ELP1: variants seen among roughly 807,000 people sequenced by gnomAD.
ELP1 encodes elongator acetyltransferase complex subunit 1.
Under a neutral mutation model 183.2 loss-of-function variants are expected in ELP1, and 131 were observed. That is an observed-to-expected ratio of 0.72 (90% CI 0.62 to 0.83). The LOEUF is 0.83. Ranked by LOEUF, ELP1 falls within the 40% of genes least tolerant of loss-of-function variation. The probability of loss-of-function intolerance (pLI) is 0.00; values close to 1 mark genes in which losing one functional copy is unlikely to be tolerated. For synonymous variants in ELP1, 555 were observed against 569.0 expected, an observed-to-expected ratio of 0.98 and a Z score of 0.35; for missense variants, 1,550 against 1,594.9, an observed-to-expected ratio of 0.97 and a Z score of 0.48.
chr9:108,916,404 G>A, intron 9 of ELP1, 107 bp from the exon 10 acceptor site: 1 of 883,660 alleles, frequency 1.1e-6, no homozygotes, highest in South Asian at 1.4e-5. Context: ...CACTACCTGA[G>A]CTCATCCCTA....
intron 10 of ELP1, among the ~76,000 whole-genome samples, chr9:108,913,291 G>T (rs1464843707): frequency 6.6e-6 from 1 of 152,090 alleles, no homozygotes; most frequent in African/African-American, 2.4e-5. Context: ...TTATGTTCAA[G>T]GCTATCTGGG....
At chr9:108,914,079 T>C (rs935652607) in intron 10 of ELP1, among the ~76,000 whole-genome samples, 2 of 152,156 alleles carry the variant, frequency 1.3e-5, no homozygotes, top group African/African-American at 4.8e-5. Context: ...GTTGAATGAA[T>C]AATGAGTTTC....
chr9:108,869,554 C>T (rs555467394), intron 36 of ELP1, among the ~76,000 whole-genome samples: 97 of 152,270 alleles, frequency 6.4e-4, no homozygotes, highest in Non-Finnish European at 4.4e-5. Context: ...TAAAGTCTAG[C>T]TCAATTTTTA....
chr9:108,919,142 G>A (rs1829552691), intron 7 of ELP1, 111 bp downstream of exon 7: 1 of 793,562 alleles, frequency 1.3e-6, no homozygotes, highest in African/African-American at 1.7e-5. Flanking sequence ...GCACATCCTT[G>A]CCTCATATGT....
At chr9:108,876,932 T>C (rs1827726862) in intron 35 of ELP1, among the ~76,000 whole-genome samples, 1 of 152,134 alleles carries the variant, frequency 6.6e-6, no homozygotes, top group Non-Finnish European at 1.5e-5. Flanking sequence ...GGCTTCTCCA[T>C]GTTGGCCACA....
intron 6 of ELP1, among the ~76,000 whole-genome samples, chr9:108,920,793 A>G (rs1393766884): frequency 6.6e-6 from 1 of 152,178 alleles, no homozygotes; most frequent in African/African-American, 2.4e-5. Flanking sequence ...CCTTTAGAAA[A>G]AGTTCATGAA....
At chr9:108,879,138 ATAATT>A (rs1164116417) in intron 33 of ELP1, among the ~76,000 whole-genome samples, 1 of 152,190 alleles carries the variant, frequency 6.6e-6, no homozygotes, top group Non-Finnish European at 1.5e-5. Flanking sequence ...TTCAGTGCCT[ATAATT>A]TAGTCACAAC....
intron 33 of ELP1, 74 bp from the exon 34 acceptor site, chr9:108,878,824 C>T (rs1187613118): frequency 1.9e-6 from 3 of 1,545,354 alleles, no homozygotes; most frequent in African/African-American, 2.7e-5. Flanking sequence ...CCTTGCCTGG[C>T]TACTTTCTTG....
At chr9:108,873,854 G>GT (rs532764894) in intron 36 of ELP1, among the ~76,000 whole-genome samples, 74 of 150,068 alleles carry the variant, frequency 4.9e-4, no homozygotes, top group African/African-American at 1.5e-3. Context: ...GACCCCATCT[G>GT]TTTTTTTTTC....
At chr9:108,896,406 A>G in intron 25 of ELP1, 90 bp downstream of exon 25, 2 of 1,212,452 alleles carry the variant, frequency 1.6e-6, no homozygotes, top group Non-Finnish European at 2.4e-6. Flanking sequence ...GAGTGATAGC[A>G]GAAAAGCTAC....
intron 36 of ELP1, among the ~76,000 whole-genome samples, chr9:108,872,350 T>C (rs1212766923): frequency 6.6e-6 from 1 of 152,166 alleles, no homozygotes; most frequent in Non-Finnish European, 1.5e-5. Context: ...CAGTTATGAT[T>C]TAATACTACA....
In ELP1 at chr9:108,918,837, T is replaced by C. The variant is rs2132030418; in HGVS notation, c.714A>G (p.Ala238=). The C allele has an allele frequency of 1.2e-6, 2 of 1,614,072 alleles. No homozygotes were observed. Among genetic ancestry groups the C allele is most frequent in the Non-Finnish European group, 1.7e-6 (2 of 1,179,934 alleles). ...TCCAAGCCAGGGCTGGTCCCAGTCC[T>C]GCCACAGGCTCACTGGTTGACTGCA... ...FALQSTSEPV[A]GLGPALAWKP... The change falls in exon 8 of 37, where the codon GCA becomes GCG. Residue 238 remains alanine, a synonymous_variant. Coordinates refer to ENST00000374647, the MANE Select transcript of ELP1 (RefSeq NM_003640.5).
intron 36 of ELP1, among the ~76,000 whole-genome samples, chr9:108,870,613 G>A (rs991898824): frequency 6.6e-6 from 1 of 152,048 alleles, no homozygotes; most frequent in Admixed American, 6.6e-5. Flanking sequence ...GGCAAGAGAG[G>A]TGGGCACACT....
At chr9:108,894,214 T>A (rs1185874169) in intron 25 of ELP1, 148 bp from the exon 26 acceptor site, 2 of 504,548 alleles carry the variant, frequency 4.0e-6, no homozygotes, top group Non-Finnish European at 6.8e-6. Flanking sequence ...ATATATAAAA[T>A]CAAACTACAG....
chr9:108,877,011 G>GTGAT (rs1368387605), intron 35 of ELP1, among the ~76,000 whole-genome samples: 1 of 152,100 alleles, frequency 6.6e-6, no homozygotes, highest in Non-Finnish European at 1.5e-5. Context: ...GATTACAGGC[G>GTGAT]TGAGCCACCA....
intron 26 of ELP1, 83 bp from the exon 27 acceptor site, chr9:108,893,166 A>T: frequency 1.1e-6 from 1 of 933,416 alleles, no homozygotes; most frequent in Non-Finnish European, 1.7e-6. Flanking sequence ...GTCACCAAAC[A>T]AAATAAATGA....
chr9:108,891,330 A>G lies in ELP1; in HGVS notation c.3033T>C (p.Arg1011=). 1 of 1,614,180 alleles carries G rather than the reference A, an allele frequency of 6.2e-7. No homozygotes were observed. Among genetic ancestry groups the G allele is most frequent in the Non-Finnish European group, 8.5e-7 (1 of 1,180,022 alleles). Residue 1011 remains arginine (R), a synonymous_variant, in exon 28 of 37, where the codon CGT becomes CGC. Transcript: ENST00000374647. ...MYEPAGLMFA[R]CGAHEKALSA... ...AGAGAGCTTTCTCGTGGGCACCGCAACGGGCAAACATGAGCCCCGCTGGCT... is the reference window on the plus strand; with the variant it reads ...AGAGAGCTTTCTCGTGGGCACCGCAGCGGGCAAACATGAGCCCCGCTGGCT...
chr9:108,891,722 A>T (rs1828342606), intron 27 of ELP1, among the ~76,000 whole-genome samples: 1 of 152,228 alleles, frequency 6.6e-6, no homozygotes, highest in African/African-American at 2.4e-5. Context: ...CTGCTCTTAT[A>T]GTAACAGAGG....
At chr9:108,922,469 A>G (rs1829679149) in intron 6 of ELP1, among the ~76,000 whole-genome samples, 1 of 152,216 alleles carries the variant, frequency 6.6e-6, no homozygotes, top group Non-Finnish European at 1.5e-5. Context: ...ATATACACAT[A>G]TATGGGAAAA....
Sources: allele counts gnomAD v4.1 joint callset (sites outside exome capture counted in the v4.1 genomes callset), GRCh38; gene constraint gnomAD v4.1.1; transcripts MANE v1.5; gene names NCBI Gene and HGNC (gene_info 2026-07-23, HGNC 2026-07-21).